Variants in TRIM42 observed in about 807,000 individuals in gnomAD.
The protein encoded by TRIM42 is tripartite motif containing 42.
TRIM42 carries 59 observed loss-of-function variants against 64.9 expected under a neutral mutation model. The ratio of observed to expected loss-of-function variants is 0.91; its 90% CI spans 0.74 to 1.13. The LOEUF (loss-of-function observed/expected upper bound fraction) is 1.13, where lower values mean the gene tolerates loss of function less well. Ranked by LOEUF, TRIM42 falls within the 50% of genes most tolerant of loss-of-function variation. The pLI, the probability that TRIM42 is intolerant of heterozygous loss-of-function variation, is 0.00. For missense variants in TRIM42, 878 were observed against 929.5 expected (o/e 0.94, Z 0.72); for synonymous variants, 354 against 346.3 (o/e 1.02, Z -0.25).
chr3:140,690,566 T>C (rs1298727026), intron 3 of TRIM42, among the ~76,000 whole-genome samples: 1 of 135,868 alleles, frequency 7.4e-6, no homozygotes, highest in Non-Finnish European at 1.6e-5. Context: ...TATATATATA[T>C]ATATATATAT....
chr3:140,695,243 A>G (rs1287533928), intron 4 of TRIM42, among the ~76,000 whole-genome samples: 9 of 152,006 alleles, frequency 5.9e-5, no homozygotes, highest in Admixed American at 5.9e-4. Context: ...GTGAGACTCC[A>G]TGTCAAAAAA....
At position 140,683,205 on chromosome 3, in the gene TRIM42, C is replaced by G. The variant is rs374900199; in HGVS notation, c.1039+46C>G. ...TTCAGCCTAACTTCTAGTTCAGGAA[C>G]ACATGGGGAAGATGGCGTGGGGTAA... On this transcript the variant is annotated intron_variant, in intron 2 of 4. Transcript: ENST00000286349. The G allele has an allele frequency of 1.7e-4, 272 of 1,593,086 alleles. No homozygotes were observed. In the Middle Eastern group the frequency reaches 2.0e-3, roughly 12 times the overall value.
Position 140,678,461 on chromosome 3 carries a change from T to C in TRIM42, c.232T>C (p.Cys78Arg). 6.2e-7 allele frequency: 1 copy of C among 1,614,188 alleles called. No individual in the cohort carries two copies. The highest frequency in any genetic ancestry group is 8.5e-7 in the Non-Finnish European group (1 of 1,180,032). ...CSWANDPNCK[C>R]CCTASSNLNC... ...TTGGGCCAATGATCCCAACTGTAAG[T>C]GCTGCTGCACAGCCAGCAGCAATCT... The change falls in exon 1 of 5, where the codon TGC (cysteine) becomes CGC (arginine). Residue 78 changes from cysteine to arginine, a missense_variant. Coordinates refer to ENST00000286349, the MANE Select transcript of TRIM42 (RefSeq NM_152616.5).
chr3:140,678,655 C>A, intron 1 of TRIM42, 85 bp downstream of exon 1: 3 of 1,121,492 alleles, frequency 2.7e-6, no homozygotes, highest in South Asian at 3.1e-5. Flanking sequence ...ACAGGGCAGG[C>A]CAGTGAGCCT....
intron 1 of TRIM42, among the ~76,000 whole-genome samples, chr3:140,681,393 C>A (rs918387153): frequency 5.9e-5 from 9 of 152,186 alleles, no homozygotes; most frequent in African/African-American, 2.2e-4. Context: ...AAAAACCTCA[C>A]AAAGCAAGTA....
At chr3:140,690,109 G>A (rs1017700476) in intron 3 of TRIM42, among the ~76,000 whole-genome samples, 7 of 152,134 alleles carry the variant, frequency 4.6e-5, no homozygotes, top group Non-Finnish European at 1.0e-4. Context: ...TTAGGATAAT[G>A]GAATGGACTT....
chr3:140,687,425 C>T (rs1340021845), intron 2 of TRIM42, among the ~76,000 whole-genome samples: 1 of 152,170 alleles, frequency 6.6e-6, no homozygotes, highest in Non-Finnish European at 1.5e-5. Flanking sequence ...CTGGTAAAAA[C>T]CAATATCAAG....
At chr3:140,680,726 G>A (rs893002424) in intron 1 of TRIM42, 13 of 985,046 alleles carry the variant, frequency 1.3e-5, no homozygotes, top group Non-Finnish European at 1.6e-5. Context: ...AGAACATCGA[G>A]GCCAGCATGC....
intron 4 of TRIM42, among the ~76,000 whole-genome samples, chr3:140,694,943 C>A (rs1277191083): frequency 6.6e-6 from 1 of 152,118 alleles, no homozygotes; most frequent in East Asian, 1.9e-4. Context: ...AGGCTAGTCT[C>A]CCTACCTGAA....
chr3:140,682,567 C>T lies in TRIM42; in HGVS notation c.447C>T (p.Cys149=), dbSNP rs749772281. 2 of 1,614,258 alleles carry T rather than the reference C, an allele frequency of 1.2e-6. No individual in the cohort carries two copies. The highest frequency in any genetic ancestry group is 1.1e-5 in the South Asian group (1 of 91,090). The stretch of plus-strand genomic sequence containing the variant: ...TGAACCACCTCAATTGCCCCATGTG[C>T]AGCCGGCTGCGCCTGCACTCATTCA... ...HLVNHLNCPM[C]SRLRLHSFML... The change falls in exon 2 of 5, where the codon TGC becomes TGT. Residue 149 remains cysteine (C), a synonymous_variant. Transcript: ENST00000286349.
chr3:140,682,788 G>T lies in TRIM42; in HGVS notation c.668G>T (p.Gly223Val), dbSNP rs1230641862. The change falls in exon 2 of 5, where the codon GGC becomes GTC. Residue 223 changes from glycine (G) to valine (V), a missense_variant. Gly to Val is a moderately radical substitution (Grantham distance 109). Coordinates refer to ENST00000286349, the MANE Select transcript of TRIM42 (RefSeq NM_152616.5). Reference protein sequence around the residue: ...RLTKRYMQEHGYLKWRFDRSS... With the variant: ...RLTKRYMQEHVYLKWRFDRSS... ...ACCAAGCGCTACATGCAGGAGCACG[G>T]CTACCTCAAGTGGCGCTTTGACCGC... 6.2e-7 allele frequency: 1 copy of T among 1,613,570 alleles called. No homozygotes were observed. The highest frequency in any genetic ancestry group is 1.1e-5 in the South Asian group (1 of 91,078).
At position 140,682,585 on chromosome 3, in the gene TRIM42, C is replaced by T; in HGVS notation, c.465C>T (p.His155=). Residue 155 remains histidine, a synonymous_variant, in exon 2 of 5, where the codon CAC becomes CAT. Coordinates refer to ENST00000286349, the MANE Select transcript of TRIM42 (RefSeq NM_152616.5). ...CCATGTGCAGCCGGCTGCGCCTGCA[C>T]TCATTCATGCTGCCCTGCAACCACA... is the stretch of plus-strand genomic sequence containing the variant. The part of the protein sequence containing the change: ...NCPMCSRLRL[H]SFMLPCNHSL... 6.2e-7 allele frequency: 1 copy of T among 1,614,250 alleles called. No homozygotes were observed. The highest frequency in any genetic ancestry group is 8.5e-7 in the Non-Finnish European group (1 of 1,180,044).
In TRIM42 at chr3:140,701,041, A is replaced by C; in HGVS notation, c.*67A>C. ...TAGACATATACACACACATATATGT[A>C]TGTATATTTTTCTCACCACATTCTT... On this transcript the variant is annotated 3_prime_UTR_variant, in exon 5 of 5. Coordinates refer to ENST00000286349, the MANE Select transcript of TRIM42 (RefSeq NM_152616.5). 1.5e-6 allele frequency: 2 copies of C among 1,325,182 alleles called. No homozygotes were observed. The highest frequency in any genetic ancestry group is 2.1e-6 in the Non-Finnish European group (2 of 946,368). 82.1% of individuals were successfully genotyped at this position (1,325,182 alleles called of 1,614,324 possible).
chr3:140,682,335 C>T (rs1988420119), intron 1 of TRIM42, 127 bp from the exon 2 acceptor site: 2 of 896,914 alleles, frequency 2.2e-6, no homozygotes, highest in Non-Finnish European at 3.4e-6. Flanking sequence ...CACCTTAGCG[C>T]CCAGCTCAGG....
At chr3:140,680,521 G>A (rs1245218800) in intron 1 of TRIM42, 3 of 192,628 alleles carry the variant, frequency 1.6e-5, no homozygotes, top group Non-Finnish European at 2.8e-5. Context: ...TAGTTCATGA[G>A]CTTCCTAGTA....
rs1988986981 is a variant in TRIM42 at position 140,701,022 on chromosome 3, T to A, written c.*48T>A. 1 of 1,514,478 alleles carries A rather than the reference T, an allele frequency of 6.6e-7. No individual in the cohort carries two copies. The highest frequency in any genetic ancestry group is 1.4e-5 in the African/African-American group (1 of 72,646). The allele number at this position is 1,514,478 out of a possible 1,614,324, so 93.8% of individuals were successfully genotyped here. A position where few individuals can be genotyped will look rare whatever the true frequency, so the allele number is the denominator to read the frequency against. ...CCTCAGACTCATCACAAAGTAGACATATACACACACATATATGTATGTATA... is the reference window on the plus strand; with the variant it reads ...CCTCAGACTCATCACAAAGTAGACAAATACACACACATATATGTATGTATA... On this transcript the variant is annotated 3_prime_UTR_variant, in exon 5 of 5. Transcript: ENST00000286349.
rs1281235321 is a variant in TRIM42 at position 140,678,153 on chromosome 3, C to G, written c.-77C>G. ...AGGAATGGGAGGAAGGACTCCTCCACTGGAGAACTGATAGCAGTATTCTGG... is the reference window on the plus strand; with the variant it reads ...AGGAATGGGAGGAAGGACTCCTCCAGTGGAGAACTGATAGCAGTATTCTGG... On this transcript the variant is annotated 5_prime_UTR_variant, in exon 1 of 5. Transcript: ENST00000286349. 2 of 1,350,596 alleles carry G rather than the reference C, an allele frequency of 1.5e-6. No homozygotes were observed. Among genetic ancestry groups the G allele is most frequent in the East Asian group, 2.3e-5 (1 of 43,314 alleles). The allele number at this position is 1,350,596 out of a possible 1,614,324, so 83.7% of individuals were successfully genotyped here. A position where few individuals can be genotyped will look rare whatever the true frequency, so the allele number is the denominator to read the frequency against.
At chr3:140,694,519 T>C (rs1397301817) in intron 4 of TRIM42, among the ~76,000 whole-genome samples, 3 of 152,342 alleles carry the variant, frequency 2.0e-5, no homozygotes, top group South Asian at 2.1e-4. Context: ...TTACTTTGAC[T>C]CACTGTCTCC....
chr3:140,697,484 TAG>T (rs1007901621), intron 4 of TRIM42, among the ~76,000 whole-genome samples: 1 of 152,238 alleles, frequency 6.6e-6, no homozygotes, highest in Admixed American at 6.5e-5. Context: ...CTTTCAAATT[TAG>T]CTCTTTAATC....
Sources: gnomAD v4.1 joint callset for allele counts (sites outside exome capture counted in the v4.1 genomes callset) on GRCh38, gnomAD v4.1.1 for gene constraint, MANE v1.5 for transcripts, NCBI Gene and HGNC (gene_info 2026-07-23, HGNC 2026-07-21) for gene names.